The following MYO16 variants were observed in gnomAD, a reference collection of about 807,000 sequenced individuals.
MYO16 encodes the protein myosin XVI.
Under a neutral mutation model 205.3 loss-of-function variants are expected in MYO16, and 94 were observed. The ratio of observed to expected loss-of-function variants is 0.46; its 90% CI spans 0.39 to 0.54. MYO16 has a LOEUF of 0.54. Among genes scored for constraint, MYO16 ranks in the 20% least tolerant of loss-of-function variants. MYO16 has a pLI of 0.00. For synonymous variants in MYO16, 988 were observed against 954.0 expected (o/e 1.04, Z -0.66); for missense variants, 2,315 against 2,387.5 (o/e 0.97, Z 0.63).
At chr13:108,916,010 G>C (rs545272728) in intron 16 of MYO16, among the ~76,000 whole-genome samples, 1 of 152,280 alleles carries the variant, frequency 6.6e-6, no homozygotes, top group South Asian at 2.1e-4. Context: ...TAATCTGAGA[G>C]TGTCACATAA....
At chr13:108,948,232 C>T (rs949305295) in intron 16 of MYO16, among the ~76,000 whole-genome samples, 1 of 152,152 alleles carries the variant, frequency 6.6e-6, no homozygotes, top group Non-Finnish European at 1.5e-5. Flanking sequence ...TTTAATTTTG[C>T]CTTATTTGGC....
At chr13:109,142,476 G>C (rs1877144854) in intron 32 of MYO16, among the ~76,000 whole-genome samples, 1 of 151,956 alleles carries the variant, frequency 6.6e-6, no homozygotes, top group South Asian at 2.1e-4. Context: ...GAACTAAATT[G>C]AAAGGAAAAT....
At chr13:109,198,383 T>C (rs1880250515) in intron 34 of MYO16, among the ~76,000 whole-genome samples, 1 of 152,138 alleles carries the variant, frequency 6.6e-6, no homozygotes. Flanking sequence ...CTAAAATCTC[T>C]TCATACTCTT....
the MYO16 span, among the ~76,000 whole-genome samples, chr13:108,549,153 A>G: frequency 1.4e-4 from 21 of 152,354 alleles, no homozygotes; most frequent in African/African-American, 4.6e-4. Flanking sequence ...AACTTTGAGT[A>G]TATTACTTCA....
At chr13:108,568,357 T>G in the MYO16 span, among the ~76,000 whole-genome samples, 131 of 152,278 alleles carry the variant, frequency 8.6e-4, no homozygotes, top group African/African-American at 3.0e-3. Context: ...TCATTAACAC[T>G]TATAATTGTC....
In MYO16 at chr13:108,806,691, TG is replaced by T; in HGVS notation, c.755del (p.Cys252LeufsTer21). 6.2e-7 allele frequency: 1 copy of T among 1,613,106 alleles called. No individual in the cohort carries two copies. Among genetic ancestry groups the T allele is most frequent in the South Asian group, 1.1e-5 (1 of 91,028 alleles). On this transcript the variant is annotated frameshift_variant, in exon 7 of 35. Transcript: ENST00000457511. LOFTEE classifies it high-confidence loss of function. ...DEGVTLLHMA[C>X]ASGYKEVVSL... ...CTCTTCGCTGCAGTTACACATGGCG[TG>T]TGCGAGTGGCTACAAGGAGGTGGTG...
the MYO16 span, among the ~76,000 whole-genome samples, chr13:108,584,144 G>A: frequency 3.3e-5 from 5 of 151,968 alleles, no homozygotes; most frequent in Admixed American, 6.6e-5. Flanking sequence ...TAGTAGAGAC[G>A]AGTTTTCACC....
chr13:108,810,000 T>C (rs144280848), intron 7 of MYO16, among the ~76,000 whole-genome samples: 3 of 152,320 alleles, frequency 2.0e-5, no homozygotes, highest in African/African-American at 7.2e-5. Flanking sequence ...GCCTCGTGTG[T>C]GTATGGATCA....
intron 33 of MYO16, among the ~76,000 whole-genome samples, chr13:109,173,954 G>GGGA (rs1879046361): frequency 6.8e-6 from 1 of 147,590 alleles, no homozygotes; most frequent in Non-Finnish European, 1.5e-5. Context: ...TGATGGGGGG[G>GGGA]GGTACTCTCT....
chr13:108,848,667 G>A (rs1258833508), intron 10 of MYO16, among the ~76,000 whole-genome samples: 1 of 152,044 alleles, frequency 6.6e-6, no homozygotes, highest in Non-Finnish European at 1.5e-5. Context: ...GGGTTTGGTG[G>A]CGCAGGGCCT....
chr13:109,181,444 G>T (rs1421053833), intron 34 of MYO16, among the ~76,000 whole-genome samples: 1 of 152,160 alleles, frequency 6.6e-6, no homozygotes, highest in African/African-American at 2.4e-5. Flanking sequence ...CAGCTTTTTA[G>T]CTTTTCTACT....
chr13:108,719,971 A>G (rs1884097198), intron 3 of MYO16, among the ~76,000 whole-genome samples: 1 of 152,162 alleles, frequency 6.6e-6, no homozygotes, highest in Non-Finnish European at 1.5e-5. Flanking sequence ...TTCACCCAAA[A>G]GGATAACAGG....
chr13:109,106,141 C>T (rs148892234), intron 28 of MYO16, among the ~76,000 whole-genome samples: 4 of 152,278 alleles, frequency 2.6e-5, no homozygotes, highest in African/African-American at 4.8e-5. Context: ...TGTTTTCTGT[C>T]GCAGCAGATA....
chr13:108,604,028 A>G (rs1318427441), intron 1 of MYO16, among the ~76,000 whole-genome samples: 2 of 152,100 alleles, frequency 1.3e-5, no homozygotes, highest in Non-Finnish European at 2.9e-5. Flanking sequence ...AGGGGAAGCA[A>G]ATATGTCCTT....
At position 108,706,622 on chromosome 13, in the gene MYO16, T is replaced by C. The variant is rs151324621; in HGVS notation, c.293-6039T>C. The stretch of plus-strand genomic sequence containing the variant: ...GTAAGATTGTTTTCTATTTCTTCTC[T>C]GTACATCTGCACCTCTTGGGATAGT... On this transcript the variant is annotated intron_variant, in intron 2 of 34. Transcript: ENST00000457511. 6.6e-5 allele frequency among the ~76,000 whole-genome samples: 10 copies of C among 152,304 alleles called. No homozygotes were observed. In the East Asian group the frequency reaches 1.9e-3, roughly 29 times the overall value.
At chr13:109,062,251 A>G (rs1887615688) in intron 27 of MYO16, among the ~76,000 whole-genome samples, 2 of 152,214 alleles carry the variant, frequency 1.3e-5, no homozygotes, top group South Asian at 2.1e-4. Flanking sequence ...GCAATAGACT[A>G]TAACTTCTTC....
chr13:109,115,492 G>C (rs759400934), intron 28 of MYO16, among the ~76,000 whole-genome samples: 1 of 152,176 alleles, frequency 6.6e-6, no homozygotes, highest in Non-Finnish European at 1.5e-5. Flanking sequence ...TGCACAGGGA[G>C]AGGGCTCAGT....
chr13:108,722,034 TC>T (rs1236433104), intron 3 of MYO16, among the ~76,000 whole-genome samples: 1 of 152,210 alleles, frequency 6.6e-6, no homozygotes, highest in Non-Finnish European at 1.5e-5. Context: ...GATATCACTA[TC>T]TTGAAATCGT....
At chr13:108,523,102 T>C in the MYO16 span, among the ~76,000 whole-genome samples, 1 of 152,242 alleles carries the variant, frequency 6.6e-6, no homozygotes, top group Non-Finnish European at 1.5e-5. Flanking sequence ...CTGGGGTGGA[T>C]GAGGTCTCAT....
Sources: allele counts gnomAD v4.1 joint callset (sites outside exome capture counted in the v4.1 genomes callset), GRCh38; gene constraint gnomAD v4.1.1; transcripts MANE v1.5; gene names NCBI Gene and HGNC (gene_info 2026-07-23, HGNC 2026-07-21).